GUCY1A2: variants seen among roughly 807,000 people sequenced by gnomAD.
The protein encoded by GUCY1A2 is guanylate cyclase 1 soluble subunit alpha 2.
In GUCY1A2, 27 loss-of-function variants were observed where a neutral mutation model predicts 63.5. The observed-to-expected ratio is 0.43, with a 90% CI of 0.31 to 0.59. The LOEUF (loss-of-function observed/expected upper bound fraction) is 0.59. GUCY1A2 is among the 20% of genes least tolerant of loss of function. The pLI is 0.11. For missense variants in GUCY1A2, 768 were observed against 913.3 expected (o/e 0.84, Z 2.05); for synonymous variants, 364 against 343.5 (o/e 1.06, Z -0.66).
At chr11:106,709,467 AAT>A (rs1303368565) in intron 6 of GUCY1A2, among the ~76,000 whole-genome samples, 4 of 87,712 alleles carry the variant, frequency 4.6e-5, no homozygotes, top group Non-Finnish European at 5.9e-5. Context: ...TTTATAGAAT[AAT>A]ATATATTATT....
intron 4 of GUCY1A2, among the ~76,000 whole-genome samples, chr11:106,845,274 C>T (rs1444566003): frequency 5.3e-5 from 8 of 149,822 alleles, no homozygotes; most frequent in African/African-American, 1.2e-4. Context: ...AAAATCCCTG[C>T]GGCCGATTAA....
chr11:106,949,354 A>C (rs917688436), intron 3 of GUCY1A2, among the ~76,000 whole-genome samples: 1 of 152,122 alleles, frequency 6.6e-6, no homozygotes, highest in Non-Finnish European at 1.5e-5. Context: ...TATACCAGCC[A>C]TTATGAACCA....
intron 3 of GUCY1A2, among the ~76,000 whole-genome samples, chr11:106,955,498 G>A (rs1170270867): frequency 6.6e-6 from 1 of 152,122 alleles, no homozygotes; most frequent in Non-Finnish European, 1.5e-5. Context: ...GGCAGGACTG[G>A]TGGTAATGAA....
At chr11:106,906,777 C>G (rs934554397) in intron 4 of GUCY1A2, among the ~76,000 whole-genome samples, 1 of 152,134 alleles carries the variant, frequency 6.6e-6, no homozygotes, top group African/African-American at 2.4e-5. Flanking sequence ...GAGTTCATGT[C>G]CTTTGCAGGG....
intron 4 of GUCY1A2, among the ~76,000 whole-genome samples, chr11:106,908,047 T>C (rs575698667): frequency 3.3e-5 from 5 of 152,252 alleles, no homozygotes; most frequent in Admixed American, 2.0e-4. Context: ...TCAGTGTTAG[T>C]AGTATAACAC....
intron 4 of GUCY1A2, among the ~76,000 whole-genome samples, chr11:106,912,364 T>C (rs573254761): frequency 2.4e-4 from 36 of 152,106 alleles, no homozygotes; most frequent in Admixed American, 3.3e-4. Context: ...CTTTCCAGCA[T>C]TTTTCAAACA....
intron 2 of GUCY1A2, among the ~76,000 whole-genome samples, chr11:106,981,503 C>A (rs1861334746): frequency 6.6e-6 from 1 of 150,958 alleles, no homozygotes; most frequent in South Asian, 2.1e-4. Flanking sequence ...GATAAAATTA[C>A]TGGCATGGTT....
chr11:106,825,298 C>G (rs1858953757), intron 4 of GUCY1A2, among the ~76,000 whole-genome samples: 1 of 151,820 alleles, frequency 6.6e-6, no homozygotes, highest in Non-Finnish European at 1.5e-5. Flanking sequence ...TTTTTGAAAG[C>G]AATATTATAC....
Position 106,675,664 on chromosome 11 carries a change from G to A in GUCY1A2, c.*11885C>T, listed in dbSNP as rs1021923306. ...CCCTAAAGAAATACAAATGGTAAAG[G>A]TATTGAAAGTCACATTTCTTTATCT... On this transcript the variant is annotated 3_prime_UTR_variant, in exon 8 of 8. Coordinates refer to ENST00000526355, the MANE Select transcript of GUCY1A2 (RefSeq NM_000855.3). 4 of 188,020 alleles carry A rather than the reference G, an allele frequency of 2.1e-5. No individual in the cohort carries two copies. Among genetic ancestry groups the A allele is most frequent in the East Asian group, 1.7e-4 (2 of 11,710 alleles). The allele number at this position is 188,020 out of a possible 1,614,324, so 11.6% of individuals were successfully genotyped here.
At chr11:106,840,754 CT>C (rs1347336313) in intron 4 of GUCY1A2, among the ~76,000 whole-genome samples, 1 of 151,832 alleles carries the variant, frequency 6.6e-6, no homozygotes, top group Non-Finnish European at 1.5e-5. Flanking sequence ...TGCCAATTTC[CT>C]TTTAAAAGAT....
chr11:106,862,623 G>T (rs1453037213), intron 4 of GUCY1A2, among the ~76,000 whole-genome samples: 1 of 152,036 alleles, frequency 6.6e-6, no homozygotes, highest in Non-Finnish European at 1.5e-5. Flanking sequence ...GATAATTGCT[G>T]TCTTCCTTAG....
intron 4 of GUCY1A2, chr11:106,827,799 G>A: frequency 1.3e-6 from 2 of 1,577,244 alleles, no homozygotes; most frequent in South Asian, 1.1e-5. Flanking sequence ...TGGAAAGTGA[G>A]TAGCCAACTG....
chr11:106,914,987 C>A (rs753906463), intron 4 of GUCY1A2, among the ~76,000 whole-genome samples: 2 of 152,052 alleles, frequency 1.3e-5, no homozygotes, highest in African/African-American at 2.4e-5. Flanking sequence ...AAACGCCAAC[C>A]TAGAATTGTA....
rs149341273 is a variant in GUCY1A2 at position 107,010,984 on chromosome 11, C to A, written c.303+6769G>T. Among the ~76,000 whole-genome samples, 165 of 152,284 alleles carry A rather than the reference C, an allele frequency of 1.1e-3. 2 individuals are homozygous for A. Among genetic ancestry groups the A allele is most frequent in the African/African-American group, 3.8e-3 (156 of 41,558 alleles). On this transcript the variant is annotated intron_variant, in intron 1 of 7. Coordinates refer to ENST00000526355, the MANE Select transcript of GUCY1A2 (RefSeq NM_000855.3). ...ACCTCAGGCAATCCATCTGCCTCAG[C>A]CTCCCAAAGTGCTGGGATTACAGGC...
intron 3 of GUCY1A2, among the ~76,000 whole-genome samples, chr11:106,945,621 T>C (rs1025744947): frequency 2.6e-5 from 4 of 152,220 alleles, no homozygotes; most frequent in African/African-American, 4.8e-5. Flanking sequence ...ACATGTATTA[T>C]GGATAATGAC....
chr11:106,833,632 A>G (rs1417376130), intron 4 of GUCY1A2, among the ~76,000 whole-genome samples: 2 of 152,094 alleles, frequency 1.3e-5, no homozygotes, highest in Non-Finnish European at 2.9e-5. Flanking sequence ...GTTCCTTGCT[A>G]TGTTTTCTAC....
At chr11:106,881,151 T>C (rs1438520520) in intron 4 of GUCY1A2, among the ~76,000 whole-genome samples, 3 of 152,132 alleles carry the variant, frequency 2.0e-5, no homozygotes, top group African/African-American at 7.2e-5. Flanking sequence ...ACTAATACTT[T>C]CACTTCCAAT....
intron 4 of GUCY1A2, among the ~76,000 whole-genome samples, chr11:106,899,497 A>G (rs1021663031): frequency 6.6e-6 from 1 of 152,222 alleles, no homozygotes; most frequent in Non-Finnish European, 1.5e-5. Context: ...TTTAGACATA[A>G]TTAAAGGACT....
intron 4 of GUCY1A2, among the ~76,000 whole-genome samples, chr11:106,881,831 A>C (rs1859827824): frequency 6.6e-6 from 1 of 152,070 alleles, no homozygotes; most frequent in Non-Finnish European, 1.5e-5. Flanking sequence ...ACTTAGTTTT[A>C]TAGGATTTCT....
Sources: gnomAD v4.1 joint callset for allele counts (sites outside exome capture counted in the v4.1 genomes callset) on GRCh38, gnomAD v4.1.1 for gene constraint, MANE v1.5 for transcripts, NCBI Gene and HGNC (gene_info 2026-07-23, HGNC 2026-07-21) for gene names.